ARID1B: variants seen among roughly 807,000 people sequenced by gnomAD.
ARID1B encodes AT-rich interactive domain-containing protein 1B.
ARID1B carries 30 observed loss-of-function variants against 212.3 expected under a neutral mutation model. The observed-to-expected ratio is 0.14, with a 90% CI of 0.11 to 0.19. The LOEUF is 0.19. Ranked by LOEUF, ARID1B falls within the 10% of genes least tolerant of loss-of-function variation. The pLI is 1.00. For missense variants in ARID1B, 2,891 were observed against 3,204.0 expected, an observed-to-expected ratio of 0.90 and a Z score of 2.36; for synonymous variants, 1,402 against 1,301.7, an observed-to-expected ratio of 1.08 and a Z score of -1.66.
intron 9 of ARID1B, chr6:157,168,172 G>T (rs1583441044): frequency 6.6e-6 from 1 of 152,330 alleles, no homozygotes; most frequent in Non-Finnish European, 1.5e-5. Context: ...GTGTCCGGCG[G>T]AACAGCCAGT....
intron 4 of ARID1B, among the ~76,000 whole-genome samples, chr6:156,997,155 A>G (rs1172746953): frequency 6.6e-6 from 1 of 152,216 alleles, no homozygotes; most frequent in Non-Finnish European, 1.5e-5. Context: ...TATAAAATTG[A>G]TGGTCTTAAA....
intron 2 of ARID1B, among the ~76,000 whole-genome samples, chr6:156,859,832 A>G (rs1193547322): frequency 6.6e-6 from 1 of 152,250 alleles, no homozygotes; most frequent in African/African-American, 2.4e-5. Flanking sequence ...CAGAAAGACT[A>G]AGGTGAAAAG....
chr6:156,995,149 C>G (rs1340084243), intron 4 of ARID1B, among the ~76,000 whole-genome samples: 1 of 152,200 alleles, frequency 6.6e-6, no homozygotes, highest in African/African-American at 2.4e-5. Context: ...CCTCTTCTCC[C>G]GGGCTTAGGA....
chr6:157,004,902 T>TTGTTTTTTTTTTG (rs1451933476), intron 4 of ARID1B, among the ~76,000 whole-genome samples: 1 of 84,798 alleles, frequency 1.2e-5, no homozygotes, highest in Non-Finnish European at 2.4e-5. Context: ...TTTTTCTTTT[T>TTGTTTTTTTTTTG]TTTTTTTTTT....
intron 4 of ARID1B, among the ~76,000 whole-genome samples, chr6:156,947,767 G>T (rs1283391005): frequency 6.6e-6 from 1 of 152,092 alleles, no homozygotes; most frequent in Non-Finnish European, 1.5e-5. Context: ...AAAACTTTTG[G>T]CTTAATTTGT....
intron 11 of ARID1B, among the ~76,000 whole-genome samples, chr6:157,178,485 G>A (rs952921337): frequency 6.6e-6 from 1 of 152,192 alleles, no homozygotes; most frequent in African/African-American, 2.4e-5. Context: ...TGGTGAAACT[G>A]AGGCCCTGGT....
chr6:156,778,222 A>ACCACCT lies in ARID1B; in HGVS notation c.548_553dup (p.Leu183_His184dup). The ACCACCT allele has an allele frequency of 6.5e-7, 1 of 1,536,874 alleles. No homozygotes were observed. The highest frequency in any genetic ancestry group is 1.4e-5 in the African/African-American group (1 of 72,722). The stretch of plus-strand genomic sequence containing the variant: ...GCCCACCACCACCACCACCATGCCC[A>ACCACCT]CCACCTCCACCACCACCACGCACTA... On this transcript the variant is annotated inframe_insertion, in exon 1 of 20. Transcript: ENST00000636930.
chr6:157,110,500 G>C lies in ARID1B; in HGVS notation c.2520G>C (p.Gly840=), dbSNP rs1786826468. ...PGSQMPPQPP[G]SQSESSSHPA... ...GTCAGATGCCTCCGCAGCCACCCGG[G>C]AGCCAGTCAGAATCCAGTTCCCATC... is the stretch of plus-strand genomic sequence containing the variant. The change falls in exon 6 of 20, where the codon GGG becomes GGC. Residue 840 remains glycine, a synonymous_variant. Coordinates refer to ENST00000636930, the MANE Select transcript of ARID1B (RefSeq NM_001374828.1). 1.2e-6 allele frequency: 2 copies of C among 1,613,948 alleles called. No individual in the cohort carries two copies. Among genetic ancestry groups the C allele is most frequent in the Non-Finnish European group, 1.7e-6 (2 of 1,180,024 alleles).
chr6:156,784,080 T>C (rs1254348493), intron 1 of ARID1B, among the ~76,000 whole-genome samples: 1 of 152,212 alleles, frequency 6.6e-6, no homozygotes. Context: ...AAAATTTTTA[T>C]GACATTTTAC....
At chr6:156,925,285 G>A (rs1024618951) in intron 3 of ARID1B, among the ~76,000 whole-genome samples, 1 of 152,190 alleles carries the variant, frequency 6.6e-6, no homozygotes, top group East Asian at 1.9e-4. Context: ...TCCTTTGTCA[G>A]TAAGACTGAG....
chr6:157,001,044 G>A (rs771123208), intron 4 of ARID1B, among the ~76,000 whole-genome samples: 7 of 152,038 alleles, frequency 4.6e-5, no homozygotes, highest in Non-Finnish European at 8.8e-5. Flanking sequence ...TGACTGTTGT[G>A]GCAACATTTC....
chr6:157,007,202 A>G (rs917456417), intron 4 of ARID1B, among the ~76,000 whole-genome samples: 1 of 152,240 alleles, frequency 6.6e-6, no homozygotes, highest in Non-Finnish European at 1.5e-5. Context: ...TCAAATGGAA[A>G]TTCTTTGAGA....
At chr6:156,986,826 A>C (rs1185756947) in intron 4 of ARID1B, among the ~76,000 whole-genome samples, 1 of 152,242 alleles carries the variant, frequency 6.6e-6, no homozygotes, top group East Asian at 1.9e-4. Flanking sequence ...AATGATAGTA[A>C]AGTGATTAAA....
intron 2 of ARID1B, among the ~76,000 whole-genome samples, chr6:156,848,343 A>G (rs2128102200): frequency 6.6e-6 from 1 of 152,344 alleles, no homozygotes; most frequent in Non-Finnish European, 1.5e-5. Flanking sequence ...ATTATAACAA[A>G]AGTCAAGTCT....
At chr6:156,829,550 G>A (rs757576479) in intron 2 of ARID1B, 129 bp downstream of exon 2, 113 of 1,064,866 alleles carry the variant, frequency 1.1e-4, no homozygotes, top group Non-Finnish European at 1.4e-4. Context: ...AATTTTTATT[G>A]TTTCTTTAAT....
At chr6:157,163,653 T>C (rs1220389655) in intron 8 of ARID1B, among the ~76,000 whole-genome samples, 1 of 152,182 alleles carries the variant, frequency 6.6e-6, no homozygotes, top group Non-Finnish European at 1.5e-5. Context: ...CTGCAGCAGG[T>C]GTCCAGGGAG....
At position 156,989,476 on chromosome 6, in the gene ARID1B, C is replaced by G. The variant is rs1205310877; in HGVS notation, c.2247+53900C>G. On this transcript the variant is annotated intron_variant, in intron 4 of 19. Transcript: ENST00000636930. Reference sequence around the variant, plus strand: ...TCGTCATAGCTGTACTATACAAAGCCAGTGTATAAATTGAAATTCTAAAGT... The same window carrying G: ...TCGTCATAGCTGTACTATACAAAGCGAGTGTATAAATTGAAATTCTAAAGT... Among the ~76,000 whole-genome samples the G allele has an allele frequency of 2.0e-5, 3 of 152,260 alleles. No homozygotes were observed. In the East Asian group the frequency reaches 5.8e-4, roughly 29 times the overall value.
At chr6:156,805,596 A>T (rs1241786257) in intron 1 of ARID1B, among the ~76,000 whole-genome samples, 1 of 152,178 alleles carries the variant, frequency 6.6e-6, no homozygotes, top group Non-Finnish European at 1.5e-5. Flanking sequence ...TTTTTTTTCT[A>T]TCCAAATGTC....
At chr6:157,097,970 C>CGAT in intron 5 of ARID1B, among the ~76,000 whole-genome samples, 1 of 152,266 alleles carries the variant, frequency 6.6e-6, no homozygotes, top group Non-Finnish European at 1.5e-5. Flanking sequence ...GCACAGCAGT[C>CGAT]GATTTTTCCC....
Sources: allele counts gnomAD v4.1 joint callset (sites outside exome capture counted in the v4.1 genomes callset), GRCh38; gene constraint gnomAD v4.1.1; transcripts MANE v1.5; gene names NCBI Gene and HGNC (gene_info 2026-07-23, HGNC 2026-07-21).